SCHIP1: variants seen among roughly 807,000 people sequenced by gnomAD.
SCHIP1 encodes schwannomin interacting protein 1.
SCHIP1 carries 8 observed loss-of-function variants against 29.7 expected under a neutral mutation model. The ratio of observed to expected loss-of-function variants is 0.27; its 90% CI spans 0.16 to 0.49. The LOEUF (loss-of-function observed/expected upper bound fraction) is 0.49, where lower values mean the gene tolerates loss of function less well. Ranked by LOEUF, SCHIP1 falls within the 20% of genes least tolerant of loss-of-function variation. SCHIP1 has a pLI of 0.99. For missense variants in SCHIP1, 193 were observed against 294.6 expected (o/e 0.66, Z 2.52); for synonymous variants, 76 against 94.9 (o/e 0.80, Z 1.16).
the SCHIP1 span, among the ~76,000 whole-genome samples, chr3:159,781,143 G>A: frequency 6.6e-6 from 1 of 152,090 alleles, no homozygotes; most frequent in East Asian, 1.9e-4. Context: ...GTTCTGTGGG[G>A]GTAAATGTTC....
At chr3:159,882,237 G>A (rs988226570) in intron 2 of SCHIP1, among the ~76,000 whole-genome samples, 2 of 152,198 alleles carry the variant, frequency 1.3e-5, no homozygotes, top group Non-Finnish European at 1.5e-5. Context: ...TATCTTGCCT[G>A]TAATCCACAG....
the SCHIP1 span, among the ~76,000 whole-genome samples, chr3:159,808,729 C>G: frequency 6.6e-6 from 1 of 152,128 alleles, no homozygotes; most frequent in East Asian, 1.9e-4. Context: ...ATTATACCAG[C>G]CCAGGGTGTG....
At chr3:159,471,832 T>C in the SCHIP1 span, among the ~76,000 whole-genome samples, 1 of 152,142 alleles carries the variant, frequency 6.6e-6, no homozygotes, top group South Asian at 2.1e-4. Flanking sequence ...CATTTTAATA[T>C]GGTAAATATT....
At chr3:159,360,389 A>ATT in the SCHIP1 span, among the ~76,000 whole-genome samples, 1 of 152,208 alleles carries the variant, frequency 6.6e-6, no homozygotes, top group East Asian at 1.9e-4. Flanking sequence ...AAATAGAACA[A>ATT]TTCTAATATC....
At chr3:159,720,833 C>T in the SCHIP1 span, among the ~76,000 whole-genome samples, 1 of 152,186 alleles carries the variant, frequency 6.6e-6, no homozygotes, top group Admixed American at 6.5e-5. Context: ...GATCTGCCCG[C>T]CTCTGCCTAG....
At chr3:159,602,360 T>C in the SCHIP1 span, among the ~76,000 whole-genome samples, 1 of 152,188 alleles carries the variant, frequency 6.6e-6, no homozygotes, top group Non-Finnish European at 1.5e-5. Context: ...AGGTGCCTGA[T>C]GTCTCTAGTC....
At chr3:159,572,946 T>C in the SCHIP1 span, among the ~76,000 whole-genome samples, 8 of 152,002 alleles carry the variant, frequency 5.3e-5, 1 homozygote, top group Non-Finnish European at 1.5e-5. Flanking sequence ...TTTTTTTTTT[T>C]TTTCTTTCCA....
At chr3:159,278,835 T>C in the SCHIP1 span, among the ~76,000 whole-genome samples, 1 of 152,144 alleles carries the variant, frequency 6.6e-6, no homozygotes, top group African/African-American at 2.4e-5. Context: ...TTTTTTCCTG[T>C]TTAGGCATCA....
the SCHIP1 span, among the ~76,000 whole-genome samples, chr3:159,472,450 A>AT: frequency 6.6e-6 from 1 of 152,080 alleles, no homozygotes; most frequent in Non-Finnish European, 1.5e-5. Context: ...ACACAGTGCA[A>AT]TTGCTGGTAT....
At chr3:159,667,502 G>C in the SCHIP1 span, among the ~76,000 whole-genome samples, 1 of 152,174 alleles carries the variant, frequency 6.6e-6, no homozygotes, top group Non-Finnish European at 1.5e-5. Context: ...TGGCCAGGCC[G>C]GAGACTCAGG....
At chr3:159,738,506 G>A in the SCHIP1 span, among the ~76,000 whole-genome samples, 12 of 152,190 alleles carry the variant, frequency 7.9e-5, no homozygotes, top group East Asian at 3.9e-4. Context: ...TATTTTTAGC[G>A]TCTTAGTGCT....
At chr3:159,743,636 T>C in the SCHIP1 span, among the ~76,000 whole-genome samples, 18 of 152,204 alleles carry the variant, frequency 1.2e-4, no homozygotes, top group Non-Finnish European at 2.4e-4. Flanking sequence ...TTGAATCAAG[T>C]TGTAAAGAGC....
the SCHIP1 span, among the ~76,000 whole-genome samples, chr3:159,572,908 A>G: frequency 1.4e-5 from 2 of 147,362 alleles, no homozygotes; most frequent in Non-Finnish European, 3.0e-5. Context: ...AGTGTGTTTT[A>G]TCACAGACTA....
chr3:159,398,555 T>G, the SCHIP1 span, among the ~76,000 whole-genome samples: 1 of 152,150 alleles, frequency 6.6e-6, no homozygotes, highest in Admixed American at 6.5e-5. Flanking sequence ...AAGACTGGAT[T>G]CCGGGGGAAC....
intron 2 of SCHIP1, among the ~76,000 whole-genome samples, chr3:159,880,124 C>T (rs1457022276): frequency 1.3e-5 from 2 of 152,214 alleles, no homozygotes; most frequent in African/African-American, 4.8e-5. Flanking sequence ...AGCCGAACAC[C>T]TGAGTCCTGT....
chr3:159,635,439 A>G, the SCHIP1 span, among the ~76,000 whole-genome samples: 2 of 152,206 alleles, frequency 1.3e-5, no homozygotes, highest in African/African-American at 4.8e-5. Flanking sequence ...TTGACCACCC[A>G]TAGAGCAGTA....
At chr3:159,853,999 C>T (rs1246239484) in intron 1 of SCHIP1, among the ~76,000 whole-genome samples, 3 of 151,926 alleles carry the variant, frequency 2.0e-5, no homozygotes, top group Non-Finnish European at 4.4e-5. Context: ...AATCACAGGC[C>T]CGAGTAAAAA....
At chr3:159,522,488 G>A in the SCHIP1 span, among the ~76,000 whole-genome samples, 1 of 152,206 alleles carries the variant, frequency 6.6e-6, no homozygotes. Context: ...CTTCACCAAG[G>A]CATCTATTGC....
the SCHIP1 span, among the ~76,000 whole-genome samples, chr3:159,504,494 A>C: frequency 1.3e-4 from 20 of 152,208 alleles, no homozygotes; most frequent in Non-Finnish European, 2.5e-4. Flanking sequence ...ATTCAACAGG[A>C]AACTAATTCC....
Sources: allele counts gnomAD v4.1 joint callset (sites outside exome capture counted in the v4.1 genomes callset), GRCh38; gene constraint gnomAD v4.1.1; transcripts MANE v1.5; gene names NCBI Gene and HGNC (gene_info 2026-07-23, HGNC 2026-07-21).